SDK1: variants seen among roughly 807,000 people sequenced by gnomAD.
SDK1 encodes protein sidekick-1.
In SDK1, 157 loss-of-function variants were observed where a neutral mutation model predicts 245.5. The ratio of observed to expected loss-of-function variants is 0.64; its 90% CI spans 0.56 to 0.73. The LOEUF is 0.73. Among genes scored for constraint, SDK1 ranks in the 30% least tolerant of loss-of-function variants. SDK1 has a pLI of 0.00. For missense variants in SDK1, 3,583 were observed against 3,002.3 expected, an observed-to-expected ratio of 1.19 and a Z score of -4.52; for synonymous variants, 1,647 against 1,278.5, an observed-to-expected ratio of 1.29 and a Z score of -6.15.
rs116246606 is a variant in SDK1, at chr7:4,063,704, C to T, written c.2912-4134C>T. 8.5e-3 allele frequency among the ~76,000 whole-genome samples: 1,288 copies of T among 151,902 alleles called. 17 individuals carry two copies. Among genetic ancestry groups the T allele is most frequent in the South Asian group, 0.03 (144 of 4,810 alleles). ...TAACGAAACTGGAGGAATCACACTA[C>T]CTATCTTTGAAATATATGACAAGTC... On this transcript the variant is annotated intron_variant, in intron 19 of 44. Coordinates refer to ENST00000404826, the MANE Select transcript of SDK1 (RefSeq NM_152744.4).
At chr7:3,518,935 T>G (rs1306648558) in intron 1 of SDK1, among the ~76,000 whole-genome samples, 1 of 151,582 alleles carries the variant, frequency 6.6e-6, no homozygotes, top group East Asian at 1.9e-4. Flanking sequence ...ATGTGCTATA[T>G]ATATGCAATG....
chr7:3,896,260 C>T (rs936254128), intron 5 of SDK1, among the ~76,000 whole-genome samples: 22 of 152,348 alleles, frequency 1.4e-4, no homozygotes, highest in African/African-American at 5.3e-4. Flanking sequence ...TTCCTTCTCC[C>T]TGAAGGCATG....
rs868257357 is a variant in SDK1 at position 3,906,471 on chromosome 7, G to A, written c.848-44452G>A. 5.9e-5 allele frequency among the ~76,000 whole-genome samples: 9 copies of A among 151,884 alleles called. No homozygotes were observed. In the South Asian group the frequency reaches 6.2e-4, roughly 11 times the overall value. On this transcript the variant is annotated intron_variant, in intron 5 of 44. Transcript: ENST00000404826. ...TCATTAATTGTTACATTCATGGAAC[G>A]CTCATGCTCCCTGAACTGTGCCTTA... is the stretch of plus-strand genomic sequence containing the variant.
chr7:3,806,170 CTT>C lies in SDK1; in HGVS notation c.714-15278_714-15277del, dbSNP rs1251600057. Among the ~76,000 whole-genome samples the C allele has an allele frequency of 8.5e-5, 13 of 152,364 alleles. 1 individual carries two copies. The South Asian group carries it at 2.7e-3, about 32-fold the overall frequency. On this transcript the variant is annotated intron_variant, in intron 4 of 44. Coordinates refer to ENST00000404826, the MANE Select transcript of SDK1 (RefSeq NM_152744.4). ...TCTGACTTCTCTCTCACTGCTGGGA[CTT>C]TGTCTCACATGGACTCACCCAAATA...
chr7:3,569,917 C>T (rs1361412828), intron 1 of SDK1, among the ~76,000 whole-genome samples: 2 of 152,116 alleles, frequency 1.3e-5, no homozygotes, highest in African/African-American at 4.8e-5. Flanking sequence ...TTTGATAAAC[C>T]ACCATCTCCT....
chr7:3,534,826 G>A (rs1291062994), intron 1 of SDK1, among the ~76,000 whole-genome samples: 3 of 152,154 alleles, frequency 2.0e-5, no homozygotes, highest in Admixed American at 6.5e-5. Context: ...ATAGATGCCG[G>A]CAGTTGTGCC....
At chr7:3,482,180 G>C (rs893788834) in intron 1 of SDK1, among the ~76,000 whole-genome samples, 2 of 152,174 alleles carry the variant, frequency 1.3e-5, no homozygotes, top group Non-Finnish European at 2.9e-5. Context: ...TCATCGATCA[G>C]ATACCTTAAA....
At chr7:3,896,130 T>C (rs78543100) in intron 5 of SDK1, among the ~76,000 whole-genome samples, 3,868 of 152,278 alleles carry the variant, frequency 0.025, 189 homozygotes, top group African/African-American at 0.09. Flanking sequence ...GTTTACTGAT[T>C]TTCTAAGTTT....
At chr7:4,221,452 T>G in intron 40 of SDK1, 88 bp downstream of exon 40, 2 of 1,452,496 alleles carry the variant, frequency 1.4e-6, no homozygotes, top group South Asian at 1.3e-5. Flanking sequence ...TCACTTTCTC[T>G]TTCAGCATTT....
intron 1 of SDK1, among the ~76,000 whole-genome samples, chr7:3,406,277 T>C (rs1213043167): frequency 6.6e-6 from 1 of 152,220 alleles, no homozygotes; most frequent in Non-Finnish European, 1.5e-5. Flanking sequence ...CACTGGACTC[T>C]TGGCTTTAAA....
chr7:4,182,457 T>G (rs10265031), intron 35 of SDK1, among the ~76,000 whole-genome samples: 15,785 of 152,164 alleles, frequency 0.1, 1,240 homozygotes, highest in African/African-American at 0.23. Context: ...CAAATTGAGG[T>G]TCCCAAACTT....
chr7:3,409,671 G>GAGA (rs1554267265), intron 1 of SDK1, among the ~76,000 whole-genome samples: 5 of 152,174 alleles, frequency 3.3e-5, no homozygotes, highest in Non-Finnish European at 7.3e-5. Flanking sequence ...AGCAACAGAA[G>GAGA]AGAAGAGCGT....
chr7:3,758,263 G>T (rs1244849532), intron 4 of SDK1, among the ~76,000 whole-genome samples: 1 of 152,256 alleles, frequency 6.6e-6, no homozygotes, highest in South Asian at 2.1e-4. Flanking sequence ...AGTGGCTCTT[G>T]CTTACAGCAT....
At chr7:3,601,057 C>A (rs1230678669) in intron 1 of SDK1, among the ~76,000 whole-genome samples, 3 of 152,158 alleles carry the variant, frequency 2.0e-5, no homozygotes, top group South Asian at 4.1e-4. Flanking sequence ...ACCAGCCTTA[C>A]ATACCTAGAA....
In SDK1 at chr7:3,372,390, A is replaced by G. The variant is rs146909435; in HGVS notation, c.298+70506A>G. On this transcript the variant is annotated intron_variant, in intron 1 of 44. Transcript: ENST00000404826. ...AAATTAAAAATCCAGGGCTAGGCAA[A>G]TGCTTTCTTAAATATGATATGAAAA... Among the ~76,000 whole-genome samples the G allele has an allele frequency of 6.6e-5, 10 of 152,316 alleles. No individual in the cohort carries two copies. In the East Asian group the frequency reaches 1.7e-3, roughly 26 times the overall value.
intron 44 of SDK1, among the ~76,000 whole-genome samples, chr7:4,246,888 C>A (rs1043875039): frequency 6.6e-6 from 1 of 152,184 alleles, no homozygotes; most frequent in Non-Finnish European, 1.5e-5. Context: ...TGCGGCGTGA[C>A]CCAAAGGGAC....
At chr7:3,352,274 G>C (rs763369541) in intron 1 of SDK1, among the ~76,000 whole-genome samples, 5 of 149,258 alleles carry the variant, frequency 3.3e-5, no homozygotes, top group Non-Finnish European at 5.9e-5. Flanking sequence ...TTTTTTTTTT[G>C]ATGTCCAAAT....
At chr7:3,910,823 A>T (rs1294836389) in intron 5 of SDK1, among the ~76,000 whole-genome samples, 1 of 152,180 alleles carries the variant, frequency 6.6e-6, no homozygotes, top group Non-Finnish European at 1.5e-5. Flanking sequence ...AGAAAAACTG[A>T]TTATTCAGAT....
chr7:3,952,037 A>C (rs1266590176), intron 7 of SDK1, 117 bp downstream of exon 7: 1 of 947,220 alleles, frequency 1.1e-6, no homozygotes, highest in African/African-American at 1.7e-5. Flanking sequence ...CGGCAAATGA[A>C]GGTGAGGTTG....
Sources: allele counts gnomAD v4.1 joint callset (sites outside exome capture counted in the v4.1 genomes callset), GRCh38; gene constraint gnomAD v4.1.1; transcripts MANE v1.5; gene names NCBI Gene and HGNC (gene_info 2026-07-23, HGNC 2026-07-21).